Variants in CDYL observed in about 807,000 individuals in gnomAD.
CDYL encodes chromodomain Y-like protein.
A neutral mutation model predicts 47.3 loss-of-function variants in CDYL; 8 were observed. That is an observed-to-expected ratio of 0.17 (90% confidence interval 0.10 to 0.31). The LOEUF is 0.31. Ranked by LOEUF, CDYL falls within the 10% of genes least tolerant of loss-of-function variation. CDYL has a pLI of 1.00. For synonymous variants in CDYL, 266 were observed against 265.0 expected, an observed-to-expected ratio of 1.00 and a Z score of -0.04; for missense variants, 471 against 701.4, an observed-to-expected ratio of 0.67 and a Z score of 3.71.
intron 1 of CDYL, among the ~76,000 whole-genome samples, chr6:4,801,961 T>G (rs767468012): frequency 2.4e-4 from 37 of 152,354 alleles, no homozygotes; most frequent in South Asian, 2.1e-4. Context: ...TTTCAGCATC[T>G]TATGCTCTGA....
intron 1 of CDYL, among the ~76,000 whole-genome samples, chr6:4,871,631 C>T (rs1761477274): frequency 6.6e-6 from 1 of 152,152 alleles, no homozygotes; most frequent in South Asian, 2.1e-4. Context: ...AAACCTGGAG[C>T]CTGCAAATAT....
rs1581241200 is a variant in CDYL, at chr6:4,893,101, A to G, written c.691+722A>G. On this transcript the variant is annotated intron_variant, in intron 2 of 6. Transcript: ENST00000397588. The stretch of plus-strand genomic sequence containing the variant: ...GTGCCGGCCACAGTTTTCTCTTACG[A>G]GGCCTCATGACTTCTCACCTGCTGG... Among the ~76,000 whole-genome samples the G allele has an allele frequency of 2.0e-5, 3 of 152,292 alleles. No individual in the cohort carries two copies. The South Asian group carries it at 6.2e-4, about 32-fold the overall frequency.
chr6:4,799,513 A>T (rs762525423), intron 1 of CDYL, among the ~76,000 whole-genome samples: 3 of 151,880 alleles, frequency 2.0e-5, no homozygotes, highest in Admixed American at 2.0e-4. Context: ...TGGCGTGATC[A>T]TGGCTCAGCA....
intron 1 of CDYL, among the ~76,000 whole-genome samples, chr6:4,854,173 G>T (rs942796976): frequency 6.6e-6 from 1 of 152,200 alleles, no homozygotes; most frequent in African/African-American, 2.4e-5. Flanking sequence ...CAGCAGATAA[G>T]GTATTGTTAA....
intron 2 of CDYL, among the ~76,000 whole-genome samples, chr6:4,717,967 T>A (rs1757300721): frequency 6.6e-6 from 1 of 151,610 alleles, no homozygotes; most frequent in Non-Finnish European, 1.5e-5. Flanking sequence ...TCCCTCAACC[T>A]CCCAGATAGC....
At chr6:4,917,423 TA>T (rs1757589071) in intron 2 of CDYL, among the ~76,000 whole-genome samples, 2 of 152,214 alleles carry the variant, frequency 1.3e-5, no homozygotes, top group Non-Finnish European at 2.9e-5. Context: ...TGGGGTTTGT[TA>T]GACTTTGAGT....
At chr6:4,929,525 C>CACACACACACACACAT (rs1017452970) in intron 2 of CDYL, among the ~76,000 whole-genome samples, 1 of 147,774 alleles carries the variant, frequency 6.8e-6, no homozygotes, top group South Asian at 2.1e-4. Flanking sequence ...CACACACACA[C>CACACACACACACACAT]ATACATACAC....
chr6:4,783,978 T>C (rs1377995430), intron 1 of CDYL, among the ~76,000 whole-genome samples: 1 of 152,218 alleles, frequency 6.6e-6, no homozygotes. Flanking sequence ...TAGACATCTA[T>C]CAGATCATTT....
At chr6:4,723,626 A>G (rs1224599114) in intron 2 of CDYL, among the ~76,000 whole-genome samples, 1 of 152,110 alleles carries the variant, frequency 6.6e-6, no homozygotes, top group East Asian at 1.9e-4. Flanking sequence ...ACAGACTAGC[A>G]CTGTGCCTCC....
At chr6:4,895,017 ATG>A (rs1232823012) in intron 2 of CDYL, among the ~76,000 whole-genome samples, 2 of 151,106 alleles carry the variant, frequency 1.3e-5, no homozygotes, top group Non-Finnish European at 3.0e-5. Context: ...TTATACATAT[ATG>A]TATGTATGTG....
chr6:4,789,761 T>C lies in CDYL; in HGVS notation c.24+12954T>C, dbSNP rs1027337119. Among the ~76,000 whole-genome samples the C allele has an allele frequency of 3.3e-5, 5 of 152,166 alleles. No individual in the cohort carries two copies. The East Asian group carries it at 5.8e-4, about 18-fold the overall frequency. On this transcript the variant is annotated intron_variant, in intron 1 of 6. Transcript: ENST00000397588. ...CTATCTGGCTCTTTCCCACCTACTCTGGGTGTTACTCTTCTCACCTGCCCC... is the reference window on the plus strand; with the variant it reads ...CTATCTGGCTCTTTCCCACCTACTCCGGGTGTTACTCTTCTCACCTGCCCC...
chr6:4,824,774 A>C (rs112118970), intron 1 of CDYL, among the ~76,000 whole-genome samples: 4 of 151,934 alleles, frequency 2.6e-5, no homozygotes, highest in Non-Finnish European at 4.4e-5. Flanking sequence ...GACATATCCA[A>C]CTGTTTCTTT....
At chr6:4,860,937 C>T (rs1194833730) in intron 1 of CDYL, among the ~76,000 whole-genome samples, 1 of 151,212 alleles carries the variant, frequency 6.6e-6, no homozygotes, top group South Asian at 2.1e-4. Context: ...AGCCCACTGA[C>T]TCAAATGTTT....
chr6:4,725,266 C>T (rs1463607890), intron 2 of CDYL, among the ~76,000 whole-genome samples: 3 of 152,270 alleles, frequency 2.0e-5, no homozygotes, highest in Non-Finnish European at 4.4e-5. Context: ...GCTGGCTTTA[C>T]ACAGTGGATC....
chr6:4,834,921 C>G (rs1226045197), intron 1 of CDYL, among the ~76,000 whole-genome samples: 1 of 152,148 alleles, frequency 6.6e-6, no homozygotes, highest in East Asian at 1.9e-4. Flanking sequence ...GCTTTCAGCT[C>G]CATCAGCCCC....
intron 2 of CDYL, among the ~76,000 whole-genome samples, chr6:4,910,011 A>G (rs559617628): frequency 1.8e-4 from 27 of 147,868 alleles, no homozygotes; most frequent in Non-Finnish European, 3.6e-4. Flanking sequence ...ACATGTATTC[A>G]TATATATACA....
At chr6:4,715,782 A>G (rs3812179) in exon 2 of CDYL, 341,438 of 1,611,860 alleles carry the variant, frequency 0.21, 38,447 homozygotes, top group Admixed American at 0.33. Flanking sequence ...GAATTTTATG[A>G]CATTTCAGGC....
intron 2 of CDYL, among the ~76,000 whole-genome samples, chr6:4,895,624 G>C (rs927136850): frequency 6.6e-6 from 1 of 151,942 alleles, no homozygotes; most frequent in Admixed American, 6.5e-5. Flanking sequence ...ACAAGGTTAA[G>C]AGCTCTAGTC....
At chr6:4,853,172 T>C (rs1356502046) in intron 1 of CDYL, among the ~76,000 whole-genome samples, 1 of 152,194 alleles carries the variant, frequency 6.6e-6, no homozygotes, top group Non-Finnish European at 1.5e-5. Flanking sequence ...AGGCTCACCT[T>C]ATACTTCCTC....
Sources: gnomAD v4.1 joint callset for allele counts (sites outside exome capture counted in the v4.1 genomes callset) on GRCh38, gnomAD v4.1.1 for gene constraint, MANE v1.5 for transcripts, NCBI Gene and HGNC (gene_info 2026-07-23, HGNC 2026-07-21) for gene names.